Variants in BCL9 observed in about 807,000 individuals in gnomAD.
BCL9 encodes the protein B-cell CLL/lymphoma 9 protein.
In BCL9, 25 loss-of-function variants were observed where a neutral mutation model predicts 88.5. That is an observed-to-expected ratio of 0.28 (90% CI 0.21 to 0.39). The LOEUF is 0.39. Ranked by LOEUF, BCL9 falls within the 10% of genes least tolerant of loss-of-function variation. The probability of loss-of-function intolerance (pLI) is 1.00; values close to 1 mark genes in which losing one functional copy is unlikely to be tolerated. For synonymous variants in BCL9, 711 were observed against 673.3 expected (o/e 1.06, Z -0.87); for missense variants, 1,817 against 1,877.8 (o/e 0.97, Z 0.60).
chr1:147,622,011 C>G (rs1286266540), intron 8 of BCL9, among the ~76,000 whole-genome samples: 3 of 152,166 alleles, frequency 2.0e-5, no homozygotes, highest in African/African-American at 7.2e-5. Flanking sequence ...CAAGCTTGAA[C>G]TAATATTTCT....
At chr1:147,560,170 C>T (rs1429876586) in intron 1 of BCL9, among the ~76,000 whole-genome samples, 3 of 152,110 alleles carry the variant, frequency 2.0e-5, no homozygotes, top group Admixed American at 6.5e-5. Context: ...GTGGGATAGA[C>T]GAAATTCATG....
At chr1:147,576,437 T>C (rs79619409) in intron 1 of BCL9, among the ~76,000 whole-genome samples, 5,341 of 152,304 alleles carry the variant, frequency 0.035, 134 homozygotes, top group Non-Finnish European at 0.043. Context: ...GGTCAATTCG[T>C]TCACTTTTCA....
intron 1 of BCL9, among the ~76,000 whole-genome samples, chr1:147,598,564 A>C (rs1553200711): frequency 1.3e-5 from 2 of 152,202 alleles, no homozygotes; most frequent in Admixed American, 6.5e-5. Flanking sequence ...TTAGGAAGGG[A>C]AACTGACACA....
intron 1 of BCL9, among the ~76,000 whole-genome samples, chr1:147,557,349 G>T (rs1290241960): frequency 6.6e-6 from 1 of 152,190 alleles, no homozygotes; most frequent in African/African-American, 2.4e-5. Context: ...AGGCCAGCCA[G>T]ATCAAGAAAA....
intron 1 of BCL9, among the ~76,000 whole-genome samples, chr1:147,596,186 T>C (rs971065499): frequency 6.6e-5 from 10 of 152,144 alleles, no homozygotes; most frequent in African/African-American, 2.4e-4. Flanking sequence ...GGTGGGAAAA[T>C]TGATTTCCAC....
rs937942427 is a variant in BCL9 at position 147,613,301 on chromosome 1, G to A, written c.370+102G>A. On this transcript the variant is annotated intron_variant, in intron 5 of 9. Coordinates refer to ENST00000234739, the MANE Select transcript of BCL9 (RefSeq NM_004326.4). ...CAGAGAGCCTAATATCAGACAAGTGGGGAGAGTAGGTATCAGATTCATGAG... is the reference window on the plus strand; with the variant it reads ...CAGAGAGCCTAATATCAGACAAGTGAGGAGAGTAGGTATCAGATTCATGAG... 3 of 1,143,998 alleles carry A rather than the reference G, an allele frequency of 2.6e-6. No homozygotes were observed. In the South Asian group the frequency reaches 4.1e-5, roughly 16 times the overall value. 70.9% of individuals were successfully genotyped at this position (1,143,998 alleles called of 1,614,324 possible). A position where few individuals can be genotyped will look rare whatever the true frequency, so the allele number is the denominator to read the frequency against.
At chr1:147,544,651 C>T (rs1654475988) in intron 1 of BCL9, among the ~76,000 whole-genome samples, 1 of 152,124 alleles carries the variant, frequency 6.6e-6, no homozygotes, top group African/African-American at 2.4e-5. Flanking sequence ...TTATCACTGT[C>T]ATCTTGGAAT....
intron 1 of BCL9, among the ~76,000 whole-genome samples, chr1:147,545,013 A>G (rs1158928940): frequency 6.6e-6 from 1 of 151,816 alleles, no homozygotes; most frequent in East Asian, 1.9e-4. Flanking sequence ...TTGTCAATCC[A>G]TCTTTTTTTT....
intron 9 of BCL9, 100 bp downstream of exon 9, chr1:147,622,631 T>C: frequency 7.7e-6 from 11 of 1,433,304 alleles, no homozygotes; most frequent in Non-Finnish European, 1.0e-5. Flanking sequence ...AGGTGGAAGT[T>C]CAACAAGTAG....
At chr1:147,613,335 GTT>G in intron 5 of BCL9, 136 bp downstream of exon 5, 3 of 836,084 alleles carry the variant, frequency 3.6e-6, no homozygotes, top group Non-Finnish European at 5.6e-6. Context: ...AGTTCTCACA[GTT>G]TATGATGGAA....
At chr1:147,542,387 C>T (rs926651777) in intron 1 of BCL9, among the ~76,000 whole-genome samples, 6 of 152,228 alleles carry the variant, frequency 3.9e-5, no homozygotes, top group Non-Finnish European at 7.3e-5. Context: ...GCCTCAATTT[C>T]CCCATCTGTA....
In BCL9 at chr1:147,597,095, T is replaced by G. The variant is rs145819777; in HGVS notation, c.-477-7682T>G. Among the ~76,000 whole-genome samples, 326 of 152,352 alleles carry G rather than the reference T, an allele frequency of 2.1e-3. 2 individuals carry two copies. Among genetic ancestry groups the G allele is most frequent in the African/African-American group, 7.6e-3 (315 of 41,584 alleles). ...ACTGCTGTGGAGTCTTGGACTCAAA[T>G]TCTAGTCCCTAAAACTGAGCATAAT... On this transcript the variant is annotated intron_variant, in intron 1 of 9. Transcript: ENST00000234739.
At chr1:147,597,341 A>G (rs1261535159) in intron 1 of BCL9, among the ~76,000 whole-genome samples, 1 of 152,214 alleles carries the variant, frequency 6.6e-6, no homozygotes, top group Non-Finnish European at 1.5e-5. Context: ...TACATCATCT[A>G]TGTTTGCAAC....
At chr1:147,584,479 AT>A (rs1656511005) in intron 1 of BCL9, among the ~76,000 whole-genome samples, 1 of 152,200 alleles carries the variant, frequency 6.6e-6, no homozygotes, top group South Asian at 2.1e-4. Context: ...AGACAGTAGA[AT>A]TATTATTCCA....
At position 147,622,575 on chromosome 1, in the gene BCL9, A is replaced by T. The variant is rs374897715; in HGVS notation, c.3163+44A>T. The T allele has an allele frequency of 6.2e-6, 10 of 1,607,516 alleles. No homozygotes were observed. In the African/African-American group the frequency reaches 1.3e-4, roughly 22 times the overall value. ...AGGTTGTGGAGTGAGTGCTAGACCA[A>T]AGAGAAACCTCTTGAAGCGTTTTCT... On this transcript the variant is annotated intron_variant, in intron 9 of 9. Transcript: ENST00000234739.
intron 1 of BCL9, among the ~76,000 whole-genome samples, chr1:147,566,498 G>T (rs1655601774): frequency 6.6e-6 from 1 of 152,070 alleles, no homozygotes; most frequent in Non-Finnish European, 1.5e-5. Flanking sequence ...GCTCACACCT[G>T]TATTCCCAGC....
chr1:147,618,747 T>C, intron 7 of BCL9, 69 bp from the exon 8 acceptor site: 1 of 1,381,720 alleles, frequency 7.2e-7, no homozygotes, highest in South Asian at 1.6e-5. Flanking sequence ...CTTTATAACA[T>C]ATCTTGCTCT....
At chr1:147,585,525 C>T (rs1553199112) in intron 1 of BCL9, among the ~76,000 whole-genome samples, 1 of 152,068 alleles carries the variant, frequency 6.6e-6, no homozygotes, top group South Asian at 2.1e-4. Flanking sequence ...TAGTCCAGGC[C>T]TCGGTTTCAT....
chr1:147,613,247 A>C (rs782275383), intron 5 of BCL9, 48 bp downstream of exon 5: 1 of 1,598,422 alleles, frequency 6.3e-7, no homozygotes, highest in Non-Finnish European at 8.6e-7. Flanking sequence ...GGTGTTCCTG[A>C]GGGAAGGCCT....
Sources: gnomAD v4.1 joint callset for allele counts (sites outside exome capture counted in the v4.1 genomes callset) on GRCh38, gnomAD v4.1.1 for gene constraint, MANE v1.5 for transcripts, NCBI Gene and HGNC (gene_info 2026-07-23, HGNC 2026-07-21) for gene names.